The following CDH18 variants were observed in gnomAD, a reference collection of about 807,000 sequenced individuals.
CDH18 encodes cadherin 18.
Under a neutral mutation model 67.9 loss-of-function variants are expected in CDH18, and 31 were observed. The observed-to-expected ratio is 0.46, with a 90% CI of 0.34 to 0.62. CDH18 has a LOEUF of 0.62. CDH18 is among the 20% of genes least tolerant of loss of function. The probability of loss-of-function intolerance (pLI) is 0.01; values close to 1 mark genes in which losing one functional copy is unlikely to be tolerated. For missense variants in CDH18, 890 were observed against 975.5 expected (o/e 0.91, Z 1.17); for synonymous variants, 362 against 347.2 (o/e 1.04, Z -0.48).
chr5:19,625,726 C>T (rs932007664), intron 5 of CDH18, among the ~76,000 whole-genome samples: 31 of 152,014 alleles, frequency 2.0e-4, no homozygotes, highest in African/African-American at 7.5e-4. Flanking sequence ...CTGAGACAGC[C>T]AGATGGGAGG....
chr5:20,307,432 C>T (rs1465521613), intron 1 of CDH18, among the ~76,000 whole-genome samples: 1 of 152,086 alleles, frequency 6.6e-6, no homozygotes, highest in East Asian at 1.9e-4. Context: ...AGACATATAA[C>T]ATTTAATATG....
intron 2 of CDH18, among the ~76,000 whole-genome samples, chr5:20,092,016 T>C (rs1745482505): frequency 6.6e-6 from 1 of 152,174 alleles, no homozygotes; most frequent in Non-Finnish European, 1.5e-5. Flanking sequence ...AAAATTGATA[T>C]TGACTCTTCC....
intron 5 of CDH18, among the ~76,000 whole-genome samples, chr5:19,631,754 T>C (rs572666328): frequency 6.6e-6 from 1 of 152,280 alleles, no homozygotes; most frequent in African/African-American, 2.4e-5. Flanking sequence ...TATCCTATCA[T>C]TGGCATTTAT....
intron 5 of CDH18, among the ~76,000 whole-genome samples, chr5:19,704,877 C>G (rs1000460178): frequency 6.6e-6 from 1 of 152,194 alleles, no homozygotes; most frequent in Admixed American, 6.5e-5. Flanking sequence ...AGGGGCATTA[C>G]AGCCAGGATT....
At chr5:19,563,849 T>A (rs1443965544) in intron 8 of CDH18, among the ~76,000 whole-genome samples, 3 of 152,262 alleles carry the variant, frequency 2.0e-5, no homozygotes, top group East Asian at 1.9e-4. Flanking sequence ...TTGAATGGCT[T>A]ACACAACCCC....
intron 1 of CDH18, among the ~76,000 whole-genome samples, chr5:20,317,256 CTT>C (rs1487539751): frequency 6.6e-6 from 1 of 151,908 alleles, no homozygotes; most frequent in African/African-American, 2.4e-5. Context: ...AAGCATAAGT[CTT>C]TGCTGACAGC....
At chr5:20,421,870 A>C (rs1400137083) in intron 1 of CDH18, among the ~76,000 whole-genome samples, 2 of 150,506 alleles carry the variant, frequency 1.3e-5, no homozygotes, top group Non-Finnish European at 2.9e-5. Flanking sequence ...ACATGTAAAA[A>C]TTCACCAAAC....
chr5:19,822,090 G>T (rs147587968), intron 3 of CDH18, among the ~76,000 whole-genome samples: 1 of 152,010 alleles, frequency 6.6e-6, no homozygotes, highest in East Asian at 1.9e-4. Context: ...CATCACAACC[G>T]GATCAAAACT....
intron 2 of CDH18, among the ~76,000 whole-genome samples, chr5:19,902,628 C>T (rs1790065818): frequency 6.6e-6 from 1 of 152,066 alleles, no homozygotes; most frequent in Non-Finnish European, 1.5e-5. Flanking sequence ...TGAGCAAGAA[C>T]CCAGCCAAGC....
intron 2 of CDH18, among the ~76,000 whole-genome samples, chr5:20,121,004 CACCA>C (rs1748309033): frequency 6.6e-6 from 1 of 152,114 alleles, no homozygotes; most frequent in Non-Finnish European, 1.5e-5. Flanking sequence ...GTTGATATAT[CACCA>C]CAACTTTAAG....
intron 1 of CDH18, among the ~76,000 whole-genome samples, chr5:20,536,271 GAGTAGT>G (rs1756713620): frequency 6.6e-6 from 1 of 151,988 alleles, no homozygotes; most frequent in Admixed American, 6.6e-5. Flanking sequence ...CTAGTTTATT[GAGTAGT>G]AGTTTGGGAC....
At chr5:19,639,941 G>C (rs1753776726) in intron 5 of CDH18, among the ~76,000 whole-genome samples, 1 of 152,170 alleles carries the variant, frequency 6.6e-6, no homozygotes, top group Admixed American at 6.5e-5. Flanking sequence ...CAGAAATCTT[G>C]CAAGCCAGGA....
intron 3 of CDH18, among the ~76,000 whole-genome samples, chr5:19,757,519 T>C (rs1248760587): frequency 6.6e-6 from 1 of 152,186 alleles, no homozygotes; most frequent in African/African-American, 2.4e-5. Context: ...ATGGACCCAT[T>C]TGGCTATGTC....
At chr5:19,916,956 A>G (rs919311390) in intron 2 of CDH18, among the ~76,000 whole-genome samples, 1 of 152,204 alleles carries the variant, frequency 6.6e-6, no homozygotes, top group Non-Finnish European at 1.5e-5. Context: ...GCATTTTTGC[A>G]AATATTCCAT....
In CDH18 at chr5:20,241,676, C is replaced by T. The variant is rs547666984; in HGVS notation, c.-518+13768G>A. On this transcript the variant is annotated intron_variant, in intron 2 of 14. Transcript: ENST00000507958. ...ACCATCCTGGCTAATATGGTGAAAC[C>T]CCATCTCTACTAAAAATACAAAAAA... is the stretch of plus-strand genomic sequence containing the variant. 1.0e-3 allele frequency among the ~76,000 whole-genome samples: 153 copies of T among 151,456 alleles called. 1 individual carries two copies. Among genetic ancestry groups the T allele is most frequent in the African/African-American group, 3.5e-3 (146 of 41,266 alleles).
intron 2 of CDH18, among the ~76,000 whole-genome samples, chr5:19,855,931 G>A (rs961003054): frequency 6.6e-6 from 1 of 152,106 alleles, no homozygotes; most frequent in Non-Finnish European, 1.5e-5. Flanking sequence ...GGATTTGGAA[G>A]AAAATGGCAG....
intron 1 of CDH18, among the ~76,000 whole-genome samples, chr5:20,366,260 G>A (rs1286453185): frequency 6.6e-6 from 1 of 152,054 alleles, no homozygotes; most frequent in Admixed American, 6.6e-5. Flanking sequence ...GGAGAATAAT[G>A]ATTGATGCAT....
chr5:19,485,868 T>C (rs532748645), intron 11 of CDH18, among the ~76,000 whole-genome samples: 232 of 152,298 alleles, frequency 1.5e-3, no homozygotes, highest in Non-Finnish European at 2.7e-3. Context: ...TGACAGAACA[T>C]GCAGTGTAGA....
chr5:19,785,149 G>A (rs539265122), intron 3 of CDH18, among the ~76,000 whole-genome samples: 4 of 152,132 alleles, frequency 2.6e-5, no homozygotes, highest in African/African-American at 7.2e-5. Flanking sequence ...TTGGCTGAAC[G>A]TAAACCTCTT....
Sources: gnomAD v4.1 joint callset for allele counts (sites outside exome capture counted in the v4.1 genomes callset) on GRCh38, gnomAD v4.1.1 for gene constraint, MANE v1.5 for transcripts, NCBI Gene and HGNC (gene_info 2026-07-23, HGNC 2026-07-21) for gene names.